CNNM4: variants seen among roughly 807,000 people sequenced by gnomAD.
CNNM4 encodes the protein metal transporter CNNM4.
A neutral mutation model predicts 53.7 loss-of-function variants in CNNM4; 32 were observed. That is an observed-to-expected ratio of 0.60 (90% CI 0.45 to 0.80). The LOEUF (loss-of-function observed/expected upper bound fraction) is 0.80. Among genes scored for constraint, CNNM4 ranks in the 30% least tolerant of loss-of-function variants. The pLI, the probability that CNNM4 is intolerant of heterozygous loss-of-function variation, is 0.00. For synonymous variants in CNNM4, 410 were observed against 440.0 expected (o/e 0.93, Z 0.85); for missense variants, 784 against 1,022.0 (o/e 0.77, Z 3.17).
Position 96,797,505 on chromosome 2 carries a change from T to C in CNNM4, c.1547-8T>C. The C allele has an allele frequency of 6.2e-7, 1 of 1,613,858 alleles. No homozygotes were observed. Among genetic ancestry groups the C allele is most frequent in the Non-Finnish European group, 8.5e-7 (1 of 1,180,012 alleles). ...TGTGTTCTCAATTCCACGCTCTTCTTCCGGCAGCTGACAACCGAAGCCGGA... is the reference window on the plus strand; with the variant it reads ...TGTGTTCTCAATTCCACGCTCTTCTCCCGGCAGCTGACAACCGAAGCCGGA... On this transcript the variant is annotated splice_polypyrimidine_tract_variant and splice_region_variant and intron_variant, in intron 2 of 6. Coordinates refer to ENST00000377075, the MANE Select transcript of CNNM4 (RefSeq NM_020184.4). The surrounding 1 kb of genome is among the most constrained non-coding windows in gnomAD (Gnocchi z 6.0).
intron 1 of CNNM4, among the ~76,000 whole-genome samples, chr2:96,780,021 C>T (rs960698629): frequency 2.6e-5 from 4 of 152,070 alleles, no homozygotes; most frequent in African/African-American, 2.4e-5. Context: ...GGGATGGTCT[C>T]GATCTCTTGA....
chr2:96,809,790 A>T lies in CNNM4; in HGVS notation c.*273A>T, dbSNP rs1277555389. The T allele has an allele frequency of 1.8e-5, 7 of 381,272 alleles. No homozygotes were observed. Among genetic ancestry groups the T allele is most frequent in the Non-Finnish European group, 2.8e-5 (6 of 212,076 alleles). 23.6% of individuals were successfully genotyped at this position (381,272 alleles called of 1,614,324 possible). A position where few individuals can be genotyped will look rare whatever the true frequency, so the allele number is the denominator to read the frequency against. On this transcript the variant is annotated 3_prime_UTR_variant, in exon 7 of 7. Transcript: ENST00000377075. ...CTGAGAGAATTTCTAAAGTAGGCTC[A>T]TCACTTTTTTTTAAATATCATTTTG...
In CNNM4 at chr2:96,808,547, T is replaced by C; in HGVS notation, c.1949-14T>C. The C allele has an allele frequency of 1.9e-6, 3 of 1,613,904 alleles. No homozygotes were observed. Among genetic ancestry groups the C allele is most frequent in the Non-Finnish European group, 2.5e-6 (3 of 1,179,916 alleles). On this transcript the variant is annotated splice_polypyrimidine_tract_variant and intron_variant, in intron 5 of 6. Coordinates refer to ENST00000377075, the MANE Select transcript of CNNM4 (RefSeq NM_020184.4). The surrounding 1 kb of genome is among the most constrained non-coding windows in gnomAD (Gnocchi z 4.9). ...GAGTGGCCTTTGGCATGACAACCTC[T>C]GCTCTCCCTGCAGACCGTTCCCCAG... is the stretch of plus-strand genomic sequence containing the variant.
intron 5 of CNNM4, among the ~76,000 whole-genome samples, chr2:96,804,226 ATTTT>A (rs772324853): frequency 7.9e-6 from 1 of 127,130 alleles, no homozygotes. Context: ...CACGTCACTA[ATTTT>A]TTTTTTTTTT....
At position 96,808,425 on chromosome 2, in the gene CNNM4, C is replaced by T. The variant is rs2079227543; in HGVS notation, c.1949-136C>T. Reference sequence around the variant, plus strand: ...CTTATGCAGTCAGACCTTCTACATGCTTCTGTTTGTCCCTAAGAATGACTT... The same window carrying T: ...CTTATGCAGTCAGACCTTCTACATGTTTCTGTTTGTCCCTAAGAATGACTT... On this transcript the variant is annotated intron_variant, in intron 5 of 6. Transcript: ENST00000377075. The surrounding 1 kb of genome is among the most constrained non-coding windows in gnomAD (Gnocchi z 4.9). The T allele has an allele frequency of 1.2e-6, 1 of 816,782 alleles. No homozygotes were observed. Among genetic ancestry groups the T allele is most frequent in the Non-Finnish European group, 2.1e-6 (1 of 484,686 alleles). The allele number at this position is 816,782 out of a possible 1,614,324, so 50.6% of individuals were successfully genotyped here.
chr2:96,799,459 G>T, intron 4 of CNNM4, 93 bp from the exon 5 acceptor site: 1 of 1,231,080 alleles, frequency 8.1e-7, no homozygotes, highest in East Asian at 2.5e-5. Flanking sequence ...CCTTCCTCCT[G>T]CCCCACTGTC....
In CNNM4 at chr2:96,803,641, G is replaced by A. The variant is rs189699434; in HGVS notation, c.1948+3993G>A. Among the ~76,000 whole-genome samples, 1,237 of 151,816 alleles carry A rather than the reference G, an allele frequency of 8.1e-3. 19 individuals carry two copies. The highest frequency in any genetic ancestry group is 0.028 in the African/African-American group (1,158 of 41,414). On this transcript the variant is annotated intron_variant, in intron 5 of 6. Transcript: ENST00000377075. Reference sequence around the variant, plus strand: ...CTTGGGAGGCTGAGGCAAGAGAATCGCTTGAACCCAGGAGGCGGAGGTTGC... The same window carrying A: ...CTTGGGAGGCTGAGGCAAGAGAATCACTTGAACCCAGGAGGCGGAGGTTGC...
At chr2:96,775,695 G>A (rs891936472) in intron 1 of CNNM4, among the ~76,000 whole-genome samples, 5 of 152,118 alleles carry the variant, frequency 3.3e-5, no homozygotes, top group Non-Finnish European at 7.3e-5. Context: ...TGCCATTAAG[G>A]TGTGTGCATG....
At chr2:96,792,135 A>T (rs2079067313) in intron 1 of CNNM4, among the ~76,000 whole-genome samples, 1 of 151,210 alleles carries the variant, frequency 6.6e-6, no homozygotes, top group South Asian at 2.1e-4. Context: ...GGTGCCTGTA[A>T]TCAGGCAGAC....
chr2:96,793,350 C>T (rs1014912403), intron 1 of CNNM4, among the ~76,000 whole-genome samples: 4 of 152,174 alleles, frequency 2.6e-5, no homozygotes, highest in African/African-American at 9.7e-5. Flanking sequence ...AAAAACAGCC[C>T]AGGGGCCCAA....
At chr2:96,792,206 A>G (rs1271672749) in intron 1 of CNNM4, among the ~76,000 whole-genome samples, 1 of 148,642 alleles carries the variant, frequency 6.7e-6, no homozygotes, top group African/African-American at 2.5e-5. Context: ...AGATCACGCC[A>G]CTGCACTCCA....
At chr2:96,792,200 C>G (rs2079067801) in intron 1 of CNNM4, among the ~76,000 whole-genome samples, 2 of 147,702 alleles carry the variant, frequency 1.4e-5, no homozygotes, top group Admixed American at 1.4e-4. Context: ...GAGCTGAGAT[C>G]ACGCCACTGC....
chr2:96,772,309 TA>T, intron 1 of CNNM4, among the ~76,000 whole-genome samples: 1 of 117,636 alleles, frequency 8.5e-6, no homozygotes, highest in Non-Finnish European at 1.7e-5. Context: ...AGGCAGGCTC[TA>T]CTCCCACCCG....
At chr2:96,786,376 T>C (rs989066225) in intron 1 of CNNM4, among the ~76,000 whole-genome samples, 2 of 150,988 alleles carry the variant, frequency 1.3e-5, no homozygotes, top group African/African-American at 4.9e-5. Context: ...ATCGTGCTAT[T>C]GCACTCCAGC....
intron 5 of CNNM4, among the ~76,000 whole-genome samples, chr2:96,806,531 ACACACGCGCGCG>A (rs2079208638): frequency 2.8e-5 from 4 of 140,490 alleles, no homozygotes; most frequent in East Asian, 2.1e-4. Flanking sequence ...ACACACACAC[ACACACGCGCGCG>A]CGCGCGCGCG....
chr2:96,808,070 G>C lies in CNNM4; in HGVS notation c.1949-491G>C, dbSNP rs369717778. 9.4e-4 allele frequency among the ~76,000 whole-genome samples: 143 copies of C among 152,168 alleles called. 1 individual carries two copies. Among genetic ancestry groups the C allele is most frequent in the Middle Eastern group, 3.4e-3 (1 of 294 alleles). On this transcript the variant is annotated intron_variant, in intron 5 of 6. Coordinates refer to ENST00000377075, the MANE Select transcript of CNNM4 (RefSeq NM_020184.4). The surrounding 1 kb of genome is among the most constrained non-coding windows in gnomAD (Gnocchi z 4.9). ...TGCCTGGCTAATTTCTGTATTTTTAGTAGAGATGGGGTTTCACCATGTTGG... is the reference window on the plus strand; with the variant it reads ...TGCCTGGCTAATTTCTGTATTTTTACTAGAGATGGGGTTTCACCATGTTGG...
At chr2:96,769,262 AG>A (rs2078847089) in intron 1 of CNNM4, among the ~76,000 whole-genome samples, 1 of 150,460 alleles carries the variant, frequency 6.6e-6, no homozygotes, top group African/African-American at 2.5e-5. Flanking sequence ...ATAAAAAAGG[AG>A]TCGGCCAAGA....
intron 1 of CNNM4, among the ~76,000 whole-genome samples, chr2:96,769,252 A>C (rs958340070): frequency 1.3e-5 from 2 of 151,312 alleles, no homozygotes; most frequent in Non-Finnish European, 2.9e-5. Flanking sequence ...CTCCGTCTCA[A>C]TAAAAAAGGA....
chr2:96,794,405 C>T (rs939353030), intron 1 of CNNM4, among the ~76,000 whole-genome samples: 7 of 152,172 alleles, frequency 4.6e-5, no homozygotes, highest in East Asian at 1.9e-4. Flanking sequence ...TACTTCTGGA[C>T]GCTTCCAGGG....
Sources: allele counts gnomAD v4.1 joint callset (sites outside exome capture counted in the v4.1 genomes callset), GRCh38; gene constraint gnomAD v4.1.1; non-coding constraint Gnocchi (gnomAD v3.1); transcripts MANE v1.5; gene names NCBI Gene and HGNC (gene_info 2026-07-23, HGNC 2026-07-21).